The following LRRC27 variants were observed in gnomAD, a reference collection of about 807,000 sequenced individuals.
LRRC27 encodes leucine rich repeat containing 27.
In LRRC27, 57 loss-of-function variants were observed where a neutral mutation model predicts 55.0. The observed-to-expected ratio is 1.04, with a 90% CI of 0.84 to 1.29. The LOEUF (loss-of-function observed/expected upper bound fraction) is 1.29. LRRC27 is among the 50% of genes most tolerant of loss of function. The pLI, the probability that LRRC27 is intolerant of heterozygous loss-of-function variation, is 0.00. For synonymous variants in LRRC27, 278 were observed against 251.9 expected (o/e 1.10, Z -0.98); for missense variants, 721 against 651.5 (o/e 1.11, Z -1.16).
At chr10:132,347,276 G>A (rs999950833) in intron 5 of LRRC27, among the ~76,000 whole-genome samples, 19 of 152,132 alleles carry the variant, frequency 1.2e-4, no homozygotes, top group East Asian at 1.9e-4. Flanking sequence ...GGTCAGGCGC[G>A]CCCGGTGGGG....
chr10:132,337,083 A>T, intron 2 of LRRC27: 1 of 1,279,174 alleles, frequency 7.8e-7, no homozygotes, highest in Non-Finnish European at 9.9e-7. Flanking sequence ...ACCACGGCAG[A>T]CATCTCTGTC....
At chr10:132,352,893 T>C in intron 7 of LRRC27, 2 of 1,613,968 alleles carry the variant, frequency 1.2e-6, no homozygotes, top group African/African-American at 1.3e-5. Context: ...CCTTTCCTCC[T>C]CATTTTCCCT....
chr10:132,368,229 G>T (rs1256015993), intron 10 of LRRC27, among the ~76,000 whole-genome samples: 2 of 152,214 alleles, frequency 1.3e-5, no homozygotes, highest in Admixed American at 1.3e-4. Flanking sequence ...TTCATGGATA[G>T]GAAGACTCAA....
Position 132,375,137 on chromosome 10 carries a change from G to A in LRRC27, c.1488G>A (p.Ala496=), listed in dbSNP as rs772560409. Residue 496 remains alanine, a synonymous_variant, in exon 11 of 11, where the codon GCG becomes GCA. Transcript: ENST00000368614. ...CCTTGAACAAAGATCGTCGACGGGCGGCCCTCACTGGAAACCTTTCGCTTG... is the reference window on the plus strand; with the variant it reads ...CCTTGAACAAAGATCGTCGACGGGCAGCCCTCACTGGAAACCTTTCGCTTG... ...GLTLNKDRRR[A]ALTGNLSLGL... 23 of 1,613,960 alleles carry A rather than the reference G, an allele frequency of 1.4e-5. No homozygotes were observed. Among genetic ancestry groups the A allele is most frequent in the East Asian group, 6.7e-5 (3 of 44,896 alleles).
upstream of LRRC27, chr10:132,331,691 C>G (rs923500633): frequency 6.2e-7 from 1 of 1,612,726 alleles, no homozygotes; most frequent in Non-Finnish European, 8.5e-7. Flanking sequence ...CCTCGAGCAG[C>G]CCCGCCCGCC....
rs536755954 is a variant in LRRC27 at position 132,335,745 on chromosome 10, G to T, written c.211-1820G>T. ...GGCTGTAGGTATTTTCTTTAGGGTT[G>T]TCCTGCTTTATTTTGTCGTGGCCCA... On this transcript the variant is annotated intron_variant, in intron 2 of 10. Transcript: ENST00000368614. Among the ~76,000 whole-genome samples, 5 of 152,304 alleles carry T rather than the reference G, an allele frequency of 3.3e-5. No individual in the cohort carries two copies. In the East Asian group the frequency reaches 9.6e-4, roughly 29 times the overall value.
chr10:132,368,411 C>T (rs2069144503), intron 10 of LRRC27, among the ~76,000 whole-genome samples: 1 of 152,098 alleles, frequency 6.6e-6, no homozygotes, highest in African/African-American at 2.4e-5. Context: ...AGGACTGACA[C>T]CCCCCAACTT....
At chr10:132,364,753 CACTTACACTCAT>C (rs1388448231) in intron 9 of LRRC27, among the ~76,000 whole-genome samples, 50 of 119,526 alleles carry the variant, frequency 4.2e-4, no homozygotes, top group Non-Finnish European at 6.7e-4. Context: ...TCCACGCCCA[CACTTACACTCAT>C]GCTTACATCT....
intron 2 of LRRC27, 106 bp from the exon 3 acceptor site, chr10:132,337,459 A>G: frequency 1.3e-6 from 2 of 1,506,500 alleles, no homozygotes; most frequent in Non-Finnish European, 1.8e-6. Context: ...CTTAGTATAT[A>G]CGGTTCTGGT....
chr10:132,336,996 C>G lies in LRRC27; in HGVS notation c.211-569C>G. On this transcript the variant is annotated intron_variant, in intron 2 of 10. Transcript: ENST00000368614. ...TCCCTTATTTGTCACGACTTTACAACGCCACCGAGTTGATGTGTCAATCTG... is the reference window on the plus strand; with the variant it reads ...TCCCTTATTTGTCACGACTTTACAAGGCCACCGAGTTGATGTGTCAATCTG... 3.2e-6 allele frequency: 3 copies of G among 923,396 alleles called. No individual in the cohort carries two copies. The South Asian group carries it at 6.2e-5, about 19-fold the overall frequency. 57.2% of individuals were successfully genotyped at this position (923,396 alleles called of 1,614,324 possible). A position where few individuals can be genotyped will look rare whatever the true frequency, so the allele number is the denominator to read the frequency against.
chr10:132,337,213 G>A (rs911629824), intron 2 of LRRC27: 12 of 1,173,500 alleles, frequency 1.0e-5, no homozygotes, highest in Admixed American at 4.6e-5. Flanking sequence ...CAGGTGCTGC[G>A]GCAGGCACTG....
Position 132,376,803 on chromosome 10 carries a change from G to A in LRRC27, c.*1561G>A, listed in dbSNP as rs930753331. On this transcript the variant is annotated 3_prime_UTR_variant, in exon 11 of 11. Transcript: ENST00000368614. ...TCAGGTGACATTGACTAATCCTGTT[G>A]CTCAGAGCTCCTGTACCCTTACTGA... 2.6e-5 allele frequency: 4 copies of A among 152,280 alleles called. No individual in the cohort carries two copies. The highest frequency in any genetic ancestry group is 9.6e-5 in the African/African-American group (4 of 41,462). The allele number at this position is 152,280 out of a possible 1,614,324, so 9.4% of individuals were successfully genotyped here. A position where few individuals can be genotyped will look rare whatever the true frequency, so the allele number is the denominator to read the frequency against.
At position 132,375,368 on chromosome 10, in the gene LRRC27, G is replaced by C. The variant is rs764487663; in HGVS notation, c.*126G>C. On this transcript the variant is annotated 3_prime_UTR_variant, in exon 11 of 11. Transcript: ENST00000368614. Reference sequence around the variant, plus strand: ...CAGTGTTACCCTGAGGGCTGATTTCGCGCAGCCTGTTGTTTTCCTTAGACA... The same window carrying C: ...CAGTGTTACCCTGAGGGCTGATTTCCCGCAGCCTGTTGTTTTCCTTAGACA... 9 of 818,754 alleles carry C rather than the reference G, an allele frequency of 1.1e-5. No individual in the cohort carries two copies. Among genetic ancestry groups the C allele is most frequent in the Non-Finnish European group, 1.7e-5 (9 of 533,360 alleles). The allele number at this position is 818,754 out of a possible 1,614,324, so 50.7% of individuals were successfully genotyped here. A position where few individuals can be genotyped will look rare whatever the true frequency, so the allele number is the denominator to read the frequency against.
intron 9 of LRRC27, among the ~76,000 whole-genome samples, chr10:132,361,818 G>C (rs748019578): frequency 3.9e-5 from 6 of 152,102 alleles, no homozygotes; most frequent in Non-Finnish European, 7.4e-5. Context: ...TAGGTCACCA[G>C]GATACAGAGT....
Position 132,352,044 on chromosome 10 carries a change from GCGC to G in LRRC27, c.1073+292_1073+294del, listed in dbSNP as rs1454335977. Among the ~76,000 whole-genome samples, 166 of 134,926 alleles carry G rather than the reference GCGC, an allele frequency of 1.2e-3. 10 individuals carry two copies. The highest frequency in any genetic ancestry group is 9.3e-3 in the East Asian group (41 of 4,386). The allele number at this position is 134,926 out of a possible 152,430, so 88.5% of individuals were successfully genotyped here. On this transcript the variant is annotated intron_variant, in intron 7 of 10. Coordinates refer to ENST00000368614, the MANE Select transcript of LRRC27 (RefSeq NM_030626.3). ...GCGCTGAGGCCTCCGTGTGGGGCAG[GCGC>G]TGAGGCCTCCGTGTGGGGCAGGCGC...
intron 10 of LRRC27, among the ~76,000 whole-genome samples, chr10:132,370,184 C>T (rs2069181797): frequency 6.6e-6 from 1 of 152,164 alleles, no homozygotes; most frequent in African/African-American, 2.4e-5. Flanking sequence ...CAGAATTCGC[C>T]TTGTGCTTTA....
At chr10:132,339,345 A>G (rs903419575) in intron 3 of LRRC27, among the ~76,000 whole-genome samples, 9 of 152,338 alleles carry the variant, frequency 5.9e-5, no homozygotes, top group Non-Finnish European at 4.4e-5. Flanking sequence ...TGCCACAGGT[A>G]ATGGGAGGGA....
chr10:132,357,929 C>A (rs2068380107), intron 8 of LRRC27, among the ~76,000 whole-genome samples: 1 of 152,156 alleles, frequency 6.6e-6, no homozygotes, highest in Non-Finnish European at 1.5e-5. Flanking sequence ...GGCTGCTGTT[C>A]TGCGCACCCC....
intron 2 of LRRC27, chr10:132,336,985 C>T (rs543518882): frequency 6.4e-4 from 287 of 450,414 alleles, no homozygotes; most frequent in Non-Finnish European, 7.8e-4. Context: ...TTATTTGTCA[C>T]GACTTTACAA....
Sources: allele counts gnomAD v4.1 joint callset (sites outside exome capture counted in the v4.1 genomes callset), GRCh38; gene constraint gnomAD v4.1.1; transcripts MANE v1.5; gene names NCBI Gene and HGNC (gene_info 2026-07-23, HGNC 2026-07-21).